Variants in PLXNA4 observed in about 807,000 individuals in gnomAD.
PLXNA4 encodes the protein plexin A4, also known as plexin-A4.
PLXNA4 carries 44 observed loss-of-function variants against 191.8 expected under a neutral mutation model. The observed-to-expected ratio is 0.23, with a 90% CI of 0.18 to 0.29. The LOEUF (loss-of-function observed/expected upper bound fraction) is 0.29, where lower values mean the gene tolerates loss of function less well. Among genes scored for constraint, PLXNA4 ranks in the 10% least tolerant of loss-of-function variants. PLXNA4 has a pLI of 1.00. For missense variants in PLXNA4, 1,800 were observed against 2,488.8 expected, an observed-to-expected ratio of 0.72 and a Z score of 5.89; for synonymous variants, 1,082 against 1,009.5, an observed-to-expected ratio of 1.07 and a Z score of -1.36.
At chr7:132,533,626 A>C (rs1799711922) in intron 1 of PLXNA4, among the ~76,000 whole-genome samples, 1 of 152,212 alleles carries the variant, frequency 6.6e-6, no homozygotes, top group African/African-American at 2.4e-5. Context: ...CTGCTAGTCT[A>C]AGAAACTGCA....
intron 8 of PLXNA4, among the ~76,000 whole-genome samples, chr7:132,224,706 A>G (rs978165370): frequency 6.6e-5 from 10 of 152,208 alleles, no homozygotes; most frequent in African/African-American, 2.2e-4. Flanking sequence ...CGAGTGGTAA[A>G]GACAGGGACA....
At chr7:132,515,638 C>T (rs1350393988) in intron 1 of PLXNA4, among the ~76,000 whole-genome samples, 1 of 152,150 alleles carries the variant, frequency 6.6e-6, no homozygotes, top group Non-Finnish European at 1.5e-5. Flanking sequence ...CGTGTGTGCA[C>T]GTGTATGTAC....
chr7:132,472,934 C>T (rs913397714), intron 3 of PLXNA4, among the ~76,000 whole-genome samples: 3 of 152,184 alleles, frequency 2.0e-5, no homozygotes, highest in East Asian at 3.8e-4. Flanking sequence ...TCCACAGATA[C>T]GGACACACTT....
At chr7:132,594,515 T>C (rs1802662446) in intron 2 of PLXNA4, among the ~76,000 whole-genome samples, 1 of 152,228 alleles carries the variant, frequency 6.6e-6, no homozygotes, top group Admixed American at 6.5e-5. Flanking sequence ...GTGAGCAAGT[T>C]GGACTTGATT....
chr7:132,455,025 T>C (rs1374447181), intron 3 of PLXNA4, among the ~76,000 whole-genome samples: 2 of 152,208 alleles, frequency 1.3e-5, no homozygotes, highest in East Asian at 3.9e-4. Flanking sequence ...ATCCCTGCAC[T>C]GGGTGGCAGC....
intron 12 of PLXNA4, among the ~76,000 whole-genome samples, chr7:132,200,851 G>A (rs1053109639): frequency 4.6e-5 from 7 of 152,218 alleles, no homozygotes; most frequent in Non-Finnish European, 1.0e-4. Flanking sequence ...TGACACTTTG[G>A]TTAGAGTATG....
intron 7 of PLXNA4, 59 bp downstream of exon 7, chr7:132,227,392 T>C: frequency 1.2e-6 from 2 of 1,607,162 alleles, no homozygotes; most frequent in South Asian, 2.2e-5. Context: ...CTGTCCTGAG[T>C]TCTCCTTATC....
chr7:132,264,959 G>A lies in PLXNA4; in HGVS notation c.1504-23793C>T, dbSNP rs151334102. 6.5e-4 allele frequency among the ~76,000 whole-genome samples: 99 copies of A among 152,276 alleles called. 2 individuals are homozygous for A. Among genetic ancestry groups the A allele is most frequent in the East Asian group, 5.8e-4 (3 of 5,176 alleles). On this transcript the variant is annotated intron_variant, in intron 4 of 31. Transcript: ENST00000321063. The stretch of plus-strand genomic sequence containing the variant: ...GTGATCTGCCTTGGCTTCCCAAAGG[G>A]CTGGGATTACAGGCATGAGCCACTG...
intron 2 of PLXNA4, among the ~76,000 whole-genome samples, chr7:132,616,469 G>A (rs1300959879): frequency 6.6e-6 from 1 of 152,166 alleles, no homozygotes; most frequent in African/African-American, 2.4e-5. Context: ...CAACCTAAGA[G>A]GCTCTGTGTC....
In PLXNA4 at chr7:132,329,828, T is replaced by C. The variant is rs1436304811; in HGVS notation, c.1372-31606A>G. On this transcript the variant is annotated intron_variant, in intron 3 of 31. Transcript: ENST00000321063. The stretch of plus-strand genomic sequence containing the variant: ...TTGTCCTGCTGCCACTGAATCTTTA[T>C]CTGGTGACCTAGGCCTGGTCATTCT... 2.0e-5 allele frequency among the ~76,000 whole-genome samples: 3 copies of C among 152,300 alleles called. No homozygotes were observed. The South Asian group carries it at 6.2e-4, about 32-fold the overall frequency.
At chr7:132,428,607 G>T (rs1423712751) in intron 3 of PLXNA4, among the ~76,000 whole-genome samples, 1 of 151,940 alleles carries the variant, frequency 6.6e-6, no homozygotes, top group Non-Finnish European at 1.5e-5. Context: ...TGCTACCCCT[G>T]CTACTCAGAC....
At chr7:132,486,858 C>T (rs570909039) in intron 3 of PLXNA4, among the ~76,000 whole-genome samples, 2 of 152,204 alleles carry the variant, frequency 1.3e-5, no homozygotes, top group Non-Finnish European at 2.9e-5. Context: ...TCCTTACCTG[C>T]CTCAGGAGGG....
chr7:132,548,480 C>A (rs1056893750), intron 1 of PLXNA4, among the ~76,000 whole-genome samples: 3 of 152,232 alleles, frequency 2.0e-5, no homozygotes, highest in South Asian at 2.1e-4. Flanking sequence ...CAGTGAGAGA[C>A]GCTGCCAGGC....
intron 1 of PLXNA4, among the ~76,000 whole-genome samples, chr7:132,571,800 T>C (rs776231713): frequency 5.3e-5 from 8 of 152,150 alleles, no homozygotes; most frequent in Non-Finnish European, 1.2e-4. Context: ...TGGAGCCTCA[T>C]AGAGTCTAAA....
chr7:132,406,363 G>A (rs894449209), intron 3 of PLXNA4, among the ~76,000 whole-genome samples: 46 of 152,180 alleles, frequency 3.0e-4, no homozygotes, highest in Admixed American at 3.0e-3. Context: ...CAGTTACTCA[G>A]CTACTCCAAT....
At chr7:132,265,964 T>A (rs1409380775) in intron 4 of PLXNA4, among the ~76,000 whole-genome samples, 3 of 152,100 alleles carry the variant, frequency 2.0e-5, no homozygotes, top group Non-Finnish European at 4.4e-5. Flanking sequence ...TAAGAAAAAG[T>A]CATTAGAAAA....
At chr7:132,213,737 C>G (rs1383121117) in intron 9 of PLXNA4, among the ~76,000 whole-genome samples, 1 of 152,178 alleles carries the variant, frequency 6.6e-6, no homozygotes, top group Non-Finnish European at 1.5e-5. Flanking sequence ...AGACTCCACC[C>G]TCCCTCTGCC....
intron 2 of PLXNA4, among the ~76,000 whole-genome samples, chr7:132,626,882 G>A (rs1393702540): frequency 6.6e-6 from 1 of 152,134 alleles, no homozygotes; most frequent in East Asian, 1.9e-4. Context: ...ATGTGAGTGA[G>A]CCTGCATCAC....
intron 2 of PLXNA4, among the ~76,000 whole-genome samples, chr7:132,637,587 G>T (rs893252279): frequency 6.6e-6 from 1 of 152,178 alleles, no homozygotes; most frequent in Non-Finnish European, 1.5e-5. Context: ...GAAAATTCTG[G>T]AAGACTGAAA....
Sources: gnomAD v4.1 joint callset for allele counts (sites outside exome capture counted in the v4.1 genomes callset) on GRCh38, gnomAD v4.1.1 for gene constraint, MANE v1.5 for transcripts, NCBI Gene and HGNC (gene_info 2026-07-23, HGNC 2026-07-21) for gene names.